SCYL2: variants seen among roughly 807,000 people sequenced by gnomAD.
SCYL2 encodes SCY1 like pseudokinase 2, also known as SCY1-like protein 2.
A neutral mutation model predicts 100.4 loss-of-function variants in SCYL2; 36 were observed. The observed-to-expected ratio is 0.36, with a 90% CI of 0.27 to 0.47. The LOEUF (loss-of-function observed/expected upper bound fraction) is 0.47, where lower values mean the gene tolerates loss of function less well. SCYL2 is among the 20% of genes least tolerant of loss of function. The probability of loss-of-function intolerance (pLI) is 1.00; values close to 1 mark genes in which losing one functional copy is unlikely to be tolerated. For missense variants in SCYL2, 902 were observed against 1,083.9 expected (o/e 0.83, Z 2.36); for synonymous variants, 330 against 359.2 (o/e 0.92, Z 0.92).
At chr12:100,290,525 A>G (rs2096309333) in intron 2 of SCYL2, among the ~76,000 whole-genome samples, 3 of 152,178 alleles carry the variant, frequency 2.0e-5, no homozygotes. Flanking sequence ...TAACTTATGA[A>G]AATAATAATG....
At chr12:100,309,935 C>T (rs1360767383) in intron 4 of SCYL2, among the ~76,000 whole-genome samples, 7 of 151,598 alleles carry the variant, frequency 4.6e-5, no homozygotes, top group South Asian at 4.2e-4. Flanking sequence ...TTATTTTTTT[C>T]TCTCTCTCTA....
intron 4 of SCYL2, among the ~76,000 whole-genome samples, chr12:100,303,682 G>A (rs1351316003): frequency 1.3e-5 from 2 of 152,152 alleles, no homozygotes; most frequent in Non-Finnish European, 2.9e-5. Flanking sequence ...TCTCCTGTAT[G>A]AGATGTCTGT....
At position 100,341,134 on chromosome 12, in the gene SCYL2, G is replaced by GTAAT. The variant is rs1348537217; in HGVS notation, c.*1963_*1966dup. ...ATGTAAAATTTGTTCATTCGTTGAG[G>GTAAT]TAATGGTGCTATGTTTTTACAAAAT... On this transcript the variant is annotated 3_prime_UTR_variant, in exon 18 of 18. Coordinates refer to ENST00000360820, the MANE Select transcript of SCYL2 (RefSeq NM_017988.6). The GTAAT allele has an allele frequency of 3.3e-5, 5 of 151,950 alleles. No homozygotes were observed. Among genetic ancestry groups the GTAAT allele is most frequent in the Non-Finnish European group, 7.4e-5 (5 of 67,920 alleles). The allele number at this position is 151,950 out of a possible 1,614,324, so 9.4% of individuals were successfully genotyped here.
intron 3 of SCYL2, among the ~76,000 whole-genome samples, chr12:100,294,637 A>T (rs1304334478): frequency 6.6e-5 from 7 of 105,932 alleles, no homozygotes; most frequent in South Asian, 3.6e-4. Context: ...ACTTCCCAGT[A>T]GGGGTGGCTG....
chr12:100,321,656 T>C (rs768437378), intron 10 of SCYL2, among the ~76,000 whole-genome samples: 5 of 152,208 alleles, frequency 3.3e-5, no homozygotes, highest in African/African-American at 4.8e-5. Flanking sequence ...GAAATTAAAA[T>C]TCGCTCTCAC....
intron 2 of SCYL2, among the ~76,000 whole-genome samples, chr12:100,286,625 T>A (rs2096304726): frequency 3.9e-5 from 6 of 152,106 alleles, no homozygotes. Flanking sequence ...TTCTAATAAT[T>A]ATTATATGAT....
In SCYL2 at chr12:100,318,036, A is replaced by T. The variant is rs76611918; in HGVS notation, c.1395+111A>T. On this transcript the variant is annotated intron_variant, in intron 10 of 17. Coordinates refer to ENST00000360820, the MANE Select transcript of SCYL2 (RefSeq NM_017988.6). ...TCATAAAATACATAACTCAATAGTA[A>T]ATATATTTATCTTTTGAATCACATT... The T allele has an allele frequency of 1.6e-4, 153 of 938,376 alleles. 1 individual carries two copies. The East Asian group carries it at 4.1e-3, about 25-fold the overall frequency. 58.1% of individuals were successfully genotyped at this position (938,376 alleles called of 1,614,324 possible).
chr12:100,331,248 G>A (rs1201074684), intron 13 of SCYL2, among the ~76,000 whole-genome samples: 1 of 152,294 alleles, frequency 6.6e-6, no homozygotes, highest in East Asian at 1.9e-4. Context: ...GCCTAAAACA[G>A]CCTTCAGCTT....
intron 12 of SCYL2, among the ~76,000 whole-genome samples, chr12:100,327,550 T>C (rs1013922433): frequency 1.3e-5 from 2 of 152,112 alleles, no homozygotes; most frequent in East Asian, 3.9e-4. Flanking sequence ...AGTCTCATTC[T>C]GTCACCCAGG....
At chr12:100,294,132 G>A (rs552351371) in intron 3 of SCYL2, among the ~76,000 whole-genome samples, 2,380 of 148,118 alleles carry the variant, frequency 0.016, 31 homozygotes, top group Non-Finnish European at 0.028. Flanking sequence ...TCACCTCCCG[G>A]ACGGGGCGGC....
At chr12:100,280,885 T>C (rs956014891) in intron 1 of SCYL2, among the ~76,000 whole-genome samples, 1 of 152,148 alleles carries the variant, frequency 6.6e-6, no homozygotes, top group Non-Finnish European at 1.5e-5. Context: ...ATCATTATGC[T>C]TATTAAAAAT....
rs574107601 is a variant in SCYL2 at position 100,337,583 on chromosome 12, A to G, written c.2145+77A>G. 398 of 1,323,548 alleles carry G rather than the reference A, an allele frequency of 3.0e-4. 1 individual carries two copies. The highest frequency in any genetic ancestry group is 3.9e-4 in the Non-Finnish European group (362 of 933,134). The allele number at this position is 1,323,548 out of a possible 1,614,324, so 82.0% of individuals were successfully genotyped here. On this transcript the variant is annotated intron_variant, in intron 17 of 17. Coordinates refer to ENST00000360820, the MANE Select transcript of SCYL2 (RefSeq NM_017988.6). Reference sequence around the variant, plus strand: ...AAGGTGGTATAGAACTTAGTCTACTAGTATTTGTATAAAAATATATCTCAA... The same window carrying G: ...AAGGTGGTATAGAACTTAGTCTACTGGTATTTGTATAAAAATATATCTCAA...
chr12:100,286,981 T>C (rs2096305098), intron 2 of SCYL2, among the ~76,000 whole-genome samples: 1 of 152,128 alleles, frequency 6.6e-6, no homozygotes, highest in Admixed American at 6.5e-5. Context: ...TATTTTGCTT[T>C]ACTGTTTTGA....
chr12:100,317,746 A>G (rs2096350630), intron 9 of SCYL2, 57 bp from the exon 10 acceptor site: 1 of 1,529,314 alleles, frequency 6.5e-7, no homozygotes, highest in Non-Finnish European at 8.7e-7. Context: ...CATTTGGCAT[A>G]TATTGAATCT....
chr12:100,291,010 G>C (rs1348423922), intron 2 of SCYL2, among the ~76,000 whole-genome samples: 1 of 152,180 alleles, frequency 6.6e-6, no homozygotes, highest in Non-Finnish European at 1.5e-5. Context: ...CCCCTAACAA[G>C]ATGGGGGATA....
chr12:100,294,324 G>A (rs1223402122), intron 3 of SCYL2, among the ~76,000 whole-genome samples: 3 of 115,630 alleles, frequency 2.6e-5, no homozygotes, highest in East Asian at 2.8e-4. Flanking sequence ...TTCCCAGTAG[G>A]GGCGGCTGGG....
chr12:100,268,462 A>C (rs1294382996), intron 1 of SCYL2, among the ~76,000 whole-genome samples: 1 of 152,224 alleles, frequency 6.6e-6, no homozygotes, highest in Non-Finnish European at 1.5e-5. Flanking sequence ...TTTAAAAATG[A>C]AATCAGCTGA....
At chr12:100,334,711 C>T (rs1482120370) in intron 14 of SCYL2, among the ~76,000 whole-genome samples, 1 of 151,954 alleles carries the variant, frequency 6.6e-6, no homozygotes, top group Non-Finnish European at 1.5e-5. Context: ...AGCATCACAA[C>T]ATTCACCTGG....
intron 3 of SCYL2, among the ~76,000 whole-genome samples, chr12:100,293,238 C>T (rs1452768446): frequency 6.6e-6 from 1 of 152,150 alleles, no homozygotes; most frequent in Non-Finnish European, 1.5e-5. Flanking sequence ...ACCACAGGTG[C>T]ATGCTGCTGC....
Sources: gnomAD v4.1 joint callset for allele counts (sites outside exome capture counted in the v4.1 genomes callset) on GRCh38, gnomAD v4.1.1 for gene constraint, MANE v1.5 for transcripts, NCBI Gene and HGNC (gene_info 2026-07-23, HGNC 2026-07-21) for gene names.